Variants in ERC1 observed in about 807,000 individuals in gnomAD.
ERC1 encodes ELKS/RAB6-interacting/CAST family member 1.
In ERC1, 56 loss-of-function variants were observed where a neutral mutation model predicts 132.0. The ratio of observed to expected loss-of-function variants is 0.42; its 90% confidence interval spans 0.34 to 0.53. The LOEUF (loss-of-function observed/expected upper bound fraction) is 0.53. Among genes scored for constraint, ERC1 ranks in the 20% least tolerant of loss-of-function variants. The probability of loss-of-function intolerance (pLI) is 0.03; values close to 1 mark genes in which losing one functional copy is unlikely to be tolerated. For missense variants in ERC1, 1,202 were observed against 1,349.9 expected, an observed-to-expected ratio of 0.89 and a Z score of 1.72; for synonymous variants, 478 against 476.1, an observed-to-expected ratio of 1.00 and a Z score of -0.05.
At chr12:1,384,249 C>T (rs1039761582) in intron 16 of ERC1, among the ~76,000 whole-genome samples, 28 of 152,212 alleles carry the variant, frequency 1.8e-4, no homozygotes, top group African/African-American at 6.8e-4. Flanking sequence ...ACAGGTCAAA[C>T]TGCTTTCTAA....
At chr12:1,297,759 T>C (rs941299650) in intron 15 of ERC1, among the ~76,000 whole-genome samples, 22 of 147,756 alleles carry the variant, frequency 1.5e-4, no homozygotes, top group African/African-American at 5.5e-4. Flanking sequence ...TTGATACATA[T>C]AGAAAATGTA....
At chr12:1,101,506 T>C (rs1221751667) in intron 3 of ERC1, among the ~76,000 whole-genome samples, 3 of 152,202 alleles carry the variant, frequency 2.0e-5, no homozygotes, top group African/African-American at 7.2e-5. Flanking sequence ...AATATTCATG[T>C]CCCGGCTTCT....
At chr12:1,389,086 A>G (rs1403228434) in intron 16 of ERC1, among the ~76,000 whole-genome samples, 1 of 152,214 alleles carries the variant, frequency 6.6e-6, no homozygotes, top group Non-Finnish European at 1.5e-5. Context: ...TCCCACGGTC[A>G]CTACCCACAG....
At chr12:1,052,799 G>T (rs532731962) in intron 2 of ERC1, among the ~76,000 whole-genome samples, 1 of 151,946 alleles carries the variant, frequency 6.6e-6, no homozygotes, top group African/African-American at 2.4e-5. Flanking sequence ...GTGAAACCCC[G>T]TCTCCACTAA....
chr12:1,339,042 A>G (rs911839831), intron 15 of ERC1, among the ~76,000 whole-genome samples: 12 of 152,378 alleles, frequency 7.9e-5, no homozygotes, highest in African/African-American at 2.9e-4. Context: ...CAGCAACAGC[A>G]GCAGCGCAGC....
At position 1,393,948 on chromosome 12, in the gene ERC1, G is replaced by C. The variant is rs540131907; in HGVS notation, c.2926-14201G>C. On this transcript the variant is annotated intron_variant, in intron 16 of 18. Transcript: ENST00000360905. ...GGAGAATGGCGTGAACCCGGGAGGC[G>C]GAGGTTGCAGTGAGCTGAGATTTCG... is the stretch of plus-strand genomic sequence containing the variant. Among the ~76,000 whole-genome samples, 7 of 145,876 alleles carry C rather than the reference G, an allele frequency of 4.8e-5. No individual in the cohort carries two copies. In the South Asian group the frequency reaches 1.5e-3, roughly 32 times the overall value.
At chr12:1,230,053 C>T (rs1339777467) in intron 12 of ERC1, among the ~76,000 whole-genome samples, 2 of 136,130 alleles carry the variant, frequency 1.5e-5, no homozygotes, top group African/African-American at 5.7e-5. Context: ...GTCACCCAGG[C>T]TAGAGTGCAA....
At chr12:1,107,833 G>C (rs1945426792) in intron 4 of ERC1, among the ~76,000 whole-genome samples, 1 of 152,074 alleles carries the variant, frequency 6.6e-6, no homozygotes, top group South Asian at 2.1e-4. Flanking sequence ...TTGTGGTGTT[G>C]GGGTGTTATT....
At chr12:994,921 C>G (rs1203287650) in intron 1 of ERC1, among the ~76,000 whole-genome samples, 2 of 152,202 alleles carry the variant, frequency 1.3e-5, no homozygotes, top group South Asian at 2.1e-4. Flanking sequence ...ATGGTGAAAC[C>G]CCGTCTCTAC....
At chr12:1,160,815 C>T (rs1951816206) in intron 8 of ERC1, among the ~76,000 whole-genome samples, 2 of 152,052 alleles carry the variant, frequency 1.3e-5, no homozygotes, top group Admixed American at 6.5e-5. Context: ...GGCTGGTATC[C>T]AAACTCCTGG....
chr12:1,301,396 C>T (rs1376342018), intron 15 of ERC1, among the ~76,000 whole-genome samples: 1 of 152,110 alleles, frequency 6.6e-6, no homozygotes, highest in Non-Finnish European at 1.5e-5. Flanking sequence ...TTCTCAATAA[C>T]AAAGACATGG....
intron 15 of ERC1, among the ~76,000 whole-genome samples, chr12:1,356,447 G>A (rs540860420): frequency 7.2e-4 from 110 of 152,088 alleles, no homozygotes; most frequent in African/African-American, 2.6e-3. Context: ...TTCAGTTGCT[G>A]TTTTTGTGTG....
intron 5 of ERC1, among the ~76,000 whole-genome samples, chr12:1,111,996 T>C (rs1342279986): frequency 3.3e-5 from 5 of 152,188 alleles, no homozygotes; most frequent in Non-Finnish European, 7.3e-5. Flanking sequence ...TGTGTTTATG[T>C]TTTTCATTTG....
rs1186900552 is a variant in ERC1, at chr12:1,121,640, GATCTCT to G, written c.1569+5642_1569+5647del. ...AGTGGCAAATGAAACAAAGGCTGAT[GATCTCT>G]ATCTCTATCTCTATCTCTATCTCTA... On this transcript the variant is annotated intron_variant, in intron 7 of 18. Coordinates refer to ENST00000360905, the MANE Select transcript of ERC1 (RefSeq NM_178040.4). 4.3e-4 allele frequency among the ~76,000 whole-genome samples: 38 copies of G among 88,604 alleles called. 2 individuals are homozygous for G. The highest frequency in any genetic ancestry group is 1.4e-3 in the African/African-American group (33 of 24,032). The allele number at this position is 88,604 out of a possible 152,430, so 58.1% of individuals were successfully genotyped here.
At chr12:1,426,443 A>G (rs1159034918) in intron 17 of ERC1, among the ~76,000 whole-genome samples, 3 of 152,214 alleles carry the variant, frequency 2.0e-5, no homozygotes, top group East Asian at 3.8e-4. Context: ...AGGAATGTCA[A>G]TAGGAGCAGG....
intron 16 of ERC1, chr12:1,390,876 G>A (rs2089904777): frequency 6.6e-6 from 1 of 152,180 alleles, no homozygotes; most frequent in Admixed American, 6.5e-5. Context: ...CTCCAGGAAT[G>A]GAGAGGAAAT....
At chr12:1,216,709 C>T (rs1327667635) in intron 12 of ERC1, among the ~76,000 whole-genome samples, 1 of 151,972 alleles carries the variant, frequency 6.6e-6, no homozygotes, top group Non-Finnish European at 1.5e-5. Context: ...AAATAAAAGG[C>T]CATATTGTCT....
Position 1,440,360 on chromosome 12 carries a change from A to T in ERC1, c.3025-4202A>T, listed in dbSNP as rs113144819. On this transcript the variant is annotated intron_variant, in intron 17 of 18. Transcript: ENST00000360905. Reference sequence around the variant, plus strand: ...GCTGGGACTACAGACGCCCGCCACCACGCCCGGCTAATTTTTTTTGTATTT... The same window carrying T: ...GCTGGGACTACAGACGCCCGCCACCTCGCCCGGCTAATTTTTTTTGTATTT... Among the ~76,000 whole-genome samples the T allele has an allele frequency of 4.0e-4, 59 of 146,506 alleles. 1 individual carries two copies. Among genetic ancestry groups the T allele is most frequent in the East Asian group, 1.2e-3 (6 of 4,998 alleles).
At chr12:1,153,221 C>T (rs1368016820) in intron 8 of ERC1, among the ~76,000 whole-genome samples, 2 of 152,206 alleles carry the variant, frequency 1.3e-5, no homozygotes, top group African/African-American at 4.8e-5. Context: ...TGAGGTGACT[C>T]CTAGCTACAG....
Sources: gnomAD v4.1 joint callset for allele counts (sites outside exome capture counted in the v4.1 genomes callset) on GRCh38, gnomAD v4.1.1 for gene constraint, MANE v1.5 for transcripts, NCBI Gene and HGNC (gene_info 2026-07-23, HGNC 2026-07-21) for gene names.